The following TMEM131 variants were observed in gnomAD, a reference collection of about 807,000 sequenced individuals.
TMEM131 encodes 2610524E03Rik.
A neutral mutation model predicts 211.6 loss-of-function variants in TMEM131; 66 were observed. The ratio of observed to expected loss-of-function variants is 0.31; its 90% CI spans 0.26 to 0.38. TMEM131 has a LOEUF of 0.38. TMEM131 is among the 10% of genes least tolerant of loss of function. The pLI is 1.00. For missense variants in TMEM131, 2,036 were observed against 2,299.3 expected, an observed-to-expected ratio of 0.89 and a Z score of 2.34; for synonymous variants, 844 against 841.3, an observed-to-expected ratio of 1.00 and a Z score of -0.06.
At chr2:97,938,108 A>C (rs1255292914) in intron 1 of TMEM131, among the ~76,000 whole-genome samples, 3 of 152,234 alleles carry the variant, frequency 2.0e-5, no homozygotes, top group South Asian at 4.1e-4. Flanking sequence ...GGCTAGGAAG[A>C]AACTGTATCA....
chr2:97,894,096 T>C (rs113899926), intron 3 of TMEM131, among the ~76,000 whole-genome samples: 4,443 of 152,330 alleles, frequency 0.029, 79 homozygotes, highest in Middle Eastern at 0.065. Context: ...TTTCTGCATA[T>C]GGCTAGCCAG....
At chr2:97,851,618 C>T (rs1389975546) in intron 5 of TMEM131, among the ~76,000 whole-genome samples, 3 of 152,172 alleles carry the variant, frequency 2.0e-5, no homozygotes, top group African/African-American at 7.2e-5. Flanking sequence ...CACATTTTGG[C>T]AATCTTGCAA....
chr2:97,825,344 C>T (rs1210141568), intron 11 of TMEM131, among the ~76,000 whole-genome samples: 3 of 152,226 alleles, frequency 2.0e-5, no homozygotes, highest in Admixed American at 6.5e-5. Flanking sequence ...GCTTTGCCTA[C>T]AGCAGGTCAA....
At chr2:97,958,919 G>A (rs1678689169) in intron 1 of TMEM131, among the ~76,000 whole-genome samples, 1 of 152,228 alleles carries the variant, frequency 6.6e-6, no homozygotes, top group East Asian at 1.9e-4. Flanking sequence ...GTGGAGCACT[G>A]ACAGTGGAGG....
intron 2 of TMEM131, among the ~76,000 whole-genome samples, chr2:97,922,006 T>C (rs999048703): frequency 3.3e-5 from 5 of 152,172 alleles, no homozygotes; most frequent in African/African-American, 4.8e-5. Context: ...ATACACATAC[T>C]CTATGACAGT....
At chr2:97,968,244 C>T (rs1373284245) in intron 1 of TMEM131, among the ~76,000 whole-genome samples, 2 of 152,032 alleles carry the variant, frequency 1.3e-5, no homozygotes, top group Non-Finnish European at 2.9e-5. Flanking sequence ...GCCTAGTGAC[C>T]AGATAAGAAC....
rs1255196707 is a variant in TMEM131, at chr2:97,818,631, C to T, written c.1165G>A (p.Ala389Thr). 1.9e-6 allele frequency: 3 copies of T among 1,602,340 alleles called. No individual in the cohort carries two copies. Among genetic ancestry groups the T allele is most frequent in the East Asian group, 2.2e-5 (1 of 44,752 alleles). Residue 389 changes from alanine to threonine, a missense_variant, in exon 12 of 41, where the codon GCA becomes ACA. Transcript: ENST00000186436. ...TACTTGCCATCAAAACTAATGCTTG[C>T]AACCTTGGTGTATTTACTTTCTGAT... Reference protein sequence around the residue: ...KASESKYTKVASISFDASKAK... With the variant: ...KASESKYTKVTSISFDASKAK...
Position 97,792,791 on chromosome 2 carries a change from T to C in TMEM131, c.3739A>G (p.Thr1247Ala), listed in dbSNP as rs963927264. The change falls in exon 31 of 41, where the codon ACT becomes GCT. Residue 1247 changes from threonine to alanine, a missense_variant. By Grantham distance (58) the Thr-to-Ala change is moderately conservative (BLOSUM62 0). Coordinates refer to ENST00000186436, the MANE Select transcript of TMEM131 (RefSeq NM_015348.2). ...TGTGAAGAAGCTGCTTGAGCAGAAG[T>C]CCTACTAGAGGTACTTGAACTGTTT... is the stretch of plus-strand genomic sequence containing the variant. ...AKNSSSTSSR[T>A]SAQAASSQSA... is the part of the protein sequence containing the mutation. The C allele has an allele frequency of 6.2e-6, 10 of 1,613,894 alleles. No individual in the cohort carries two copies. The African/African-American group carries it at 1.2e-4, about 19-fold the overall frequency.
chr2:97,812,096 G>A (rs1681574366), intron 17 of TMEM131, among the ~76,000 whole-genome samples: 1 of 152,172 alleles, frequency 6.6e-6, no homozygotes, highest in South Asian at 2.1e-4. Context: ...CTTTTTCCCA[G>A]TAAACTCAAT....
Position 97,931,913 on chromosome 2 carries a change from A to T in TMEM131, c.188-4426T>A, listed in dbSNP as rs1677236789. On this transcript the variant is annotated intron_variant, in intron 1 of 40. Coordinates refer to ENST00000186436, the MANE Select transcript of TMEM131 (RefSeq NM_015348.2). ...GTGGCCCTCCTTGGCTTCTCAGAGCAGCCCAGTTATCCTCTATTATATTCC... is the reference window on the plus strand; with the variant it reads ...GTGGCCCTCCTTGGCTTCTCAGAGCTGCCCAGTTATCCTCTATTATATTCC... Among the ~76,000 whole-genome samples, 3 of 152,200 alleles carry T rather than the reference A, an allele frequency of 2.0e-5. No homozygotes were observed. The South Asian group carries it at 6.2e-4, about 31-fold the overall frequency.
At chr2:97,798,418 T>C (rs1353035491) in intron 25 of TMEM131, among the ~76,000 whole-genome samples, 1 of 152,264 alleles carries the variant, frequency 6.6e-6, no homozygotes, top group Non-Finnish European at 1.5e-5. Flanking sequence ...CTACTCCCCC[T>C]GGCATAGATC....
rs1018791180 is a variant in TMEM131, at chr2:97,809,694, G to A, written c.2049C>T (p.Ser683=). 6.2e-7 allele frequency: 1 copy of A among 1,609,938 alleles called. No homozygotes were observed. The highest frequency in any genetic ancestry group is 8.5e-7 in the Non-Finnish European group (1 of 1,177,984). The change falls in exon 19 of 41, where the codon TCC becomes TCT. Residue 683 remains serine, a synonymous_variant. Transcript: ENST00000186436. ...CFPKHVVLPP[S]FPGKIVHQSL... is the part of the protein sequence containing the mutation. ...TGTGTATTAATGGTCTTACTGGAAA[G>A]GAAGGTGGAAGAACCACGTGCTTAG...
Position 97,756,951 on chromosome 2 carries a change from G to A in TMEM131, c.*148C>T, listed in dbSNP as rs1421042305. The A allele has an allele frequency of 1.2e-6, 1 of 865,462 alleles. No homozygotes were observed. The highest frequency in any genetic ancestry group is 1.7e-6 in the Non-Finnish European group (1 of 592,090). The allele number at this position is 865,462 out of a possible 1,614,324, so 53.6% of individuals were successfully genotyped here. ...AAGAAAGATCTGAAAGAAGCGAGTG[G>A]TCTGAGCCTGCCCTGCTTGGGTCTG... is the stretch of plus-strand genomic sequence containing the variant. On this transcript the variant is annotated 3_prime_UTR_variant, in exon 41 of 41. Transcript: ENST00000186436.
chr2:97,805,591 C>T lies in TMEM131; in HGVS notation c.2168G>A (p.Arg723Gln), dbSNP rs1217001545. The part of the protein sequence containing the change: ...EDVRFYYKRL[R>Q]GNKEDLEPGK... ...TGGCTCCAAGTCTTCCTTATTGCCCCGTAATCGTTTATAGTAAAATCGCAC... is the reference window on the plus strand; with the variant it reads ...TGGCTCCAAGTCTTCCTTATTGCCCTGTAATCGTTTATAGTAAAATCGCAC... The change falls in exon 20 of 41, where the codon CGG becomes CAG. Residue 723 changes from arginine (R) to glutamine (Q), a missense_variant. Arg to Gln is a conservative substitution (Grantham distance 43). Transcript: ENST00000186436. 8 of 1,611,020 alleles carry T rather than the reference C, an allele frequency of 5.0e-6. No individual in the cohort carries two copies. Among genetic ancestry groups the T allele is most frequent in the Admixed American group, 3.3e-5 (2 of 59,912 alleles).
chr2:97,948,270 G>C lies in TMEM131; in HGVS notation c.188-20783C>G, dbSNP rs546248196. Among the ~76,000 whole-genome samples, 9 of 152,196 alleles carry C rather than the reference G, an allele frequency of 5.9e-5. No individual in the cohort carries two copies. The East Asian group carries it at 1.7e-3, about 29-fold the overall frequency. The stretch of plus-strand genomic sequence containing the variant: ...TACAAAAGTAAAAATACAAGCCACA[G>C]ACTGGAAATAATATTTGCAAAATGC... On this transcript the variant is annotated intron_variant, in intron 1 of 40. Transcript: ENST00000186436.
chr2:97,955,330 G>T (rs1678518753), intron 1 of TMEM131, among the ~76,000 whole-genome samples: 1 of 152,102 alleles, frequency 6.6e-6, no homozygotes, highest in African/African-American at 2.4e-5. Context: ...TCCTTTACTT[G>T]ACAAAGAGCA....
intron 5 of TMEM131, among the ~76,000 whole-genome samples, chr2:97,854,261 T>A (rs1385754257): frequency 6.6e-6 from 1 of 152,220 alleles, no homozygotes; most frequent in Non-Finnish European, 1.5e-5. Flanking sequence ...CAATAAAGTA[T>A]TTTTGAAATT....
intron 5 of TMEM131, among the ~76,000 whole-genome samples, chr2:97,854,184 G>A (rs1477015013): frequency 6.6e-6 from 1 of 152,190 alleles, no homozygotes; most frequent in Non-Finnish European, 1.5e-5. Context: ...AACATTGAGG[G>A]AAGGCCCTCC....
In TMEM131 at chr2:97,924,392, T is replaced by C. The variant is rs114363711; in HGVS notation, c.249+3034A>G. On this transcript the variant is annotated intron_variant, in intron 2 of 40. Coordinates refer to ENST00000186436, the MANE Select transcript of TMEM131 (RefSeq NM_015348.2). ...AGTGAGACCCTGTCTCTATGAACTG[T>C]GTGGTCAGTCAGCTGTGGAGCTCCG... Among the ~76,000 whole-genome samples, 78 of 152,208 alleles carry C rather than the reference T, an allele frequency of 5.1e-4. 1 individual carries two copies. The highest frequency in any genetic ancestry group is 1.8e-3 in the African/African-American group (74 of 41,556).
Sources: gnomAD v4.1 joint callset for allele counts (sites outside exome capture counted in the v4.1 genomes callset) on GRCh38, gnomAD v4.1.1 for gene constraint, MANE v1.5 for transcripts, NCBI Gene and HGNC (gene_info 2026-07-23, HGNC 2026-07-21) for gene names.